The following GNAQ variants were observed in gnomAD, a reference collection of about 807,000 sequenced individuals.
GNAQ encodes the protein guanine nucleotide-binding protein G(q) subunit alpha.
In GNAQ, 8 loss-of-function variants were observed where a neutral mutation model predicts 43.9. The observed-to-expected ratio is 0.18, with a 90% CI of 0.11 to 0.33. The LOEUF (loss-of-function observed/expected upper bound fraction) is 0.33, where lower values mean the gene tolerates loss of function less well. GNAQ is among the 10% of genes least tolerant of loss of function. GNAQ has a pLI of 1.00. For missense variants in GNAQ, 158 were observed against 450.8 expected (o/e 0.35, Z 5.88); for synonymous variants, 155 against 170.7 (o/e 0.91, Z 0.71).
intron 1 of GNAQ, among the ~76,000 whole-genome samples, chr9:77,993,118 A>C (rs561570362): frequency 1.5e-4 from 23 of 152,348 alleles, no homozygotes; most frequent in South Asian, 1.2e-3. Context: ...GTTTTGGATT[A>C]GAAACTAATT....
intron 2 of GNAQ, among the ~76,000 whole-genome samples, chr9:77,877,000 A>G (rs1293662049): frequency 7.8e-6 from 1 of 128,418 alleles, no homozygotes; most frequent in East Asian, 2.0e-4. Context: ...TCAATTAAAT[A>G]TAATATAACA....
chr9:77,751,896 GT>G (rs937557481), intron 5 of GNAQ, among the ~76,000 whole-genome samples: 6 of 152,238 alleles, frequency 3.9e-5, no homozygotes, highest in Non-Finnish European at 8.8e-5. Flanking sequence ...CACAGGAACA[GT>G]GGCCCTGCCA....
intron 1 of GNAQ, among the ~76,000 whole-genome samples, chr9:77,946,585 C>T (rs550680590): frequency 1.3e-5 from 2 of 152,282 alleles, no homozygotes; most frequent in South Asian, 4.1e-4. Context: ...CCACCACTGA[C>T]TGCTGGAAAA....
intron 2 of GNAQ, among the ~76,000 whole-genome samples, chr9:77,871,871 T>C (rs1828043399): frequency 6.6e-6 from 1 of 152,104 alleles, no homozygotes; most frequent in Non-Finnish European, 1.5e-5. Flanking sequence ...TTTCATGGGG[T>C]GAGGGAGAGG....
At chr9:77,864,274 C>T (rs1827912785) in intron 2 of GNAQ, among the ~76,000 whole-genome samples, 1 of 151,944 alleles carries the variant, frequency 6.6e-6, no homozygotes. Context: ...GGATCTGCTC[C>T]CATGACCCAA....
chr9:77,926,714 T>C (rs1262192345), intron 1 of GNAQ, among the ~76,000 whole-genome samples: 2 of 152,198 alleles, frequency 1.3e-5, no homozygotes, highest in Non-Finnish European at 2.9e-5. Context: ...CCCTGCTCTT[T>C]CAATGGCCTA....
intron 2 of GNAQ, among the ~76,000 whole-genome samples, chr9:77,892,512 T>C (rs1828422512): frequency 6.6e-6 from 1 of 152,228 alleles, no homozygotes. Context: ...GTTCAGAATA[T>C]ATATATGATG....
intron 5 of GNAQ, among the ~76,000 whole-genome samples, chr9:77,771,258 A>G (rs770005394): frequency 6.6e-6 from 1 of 152,214 alleles, no homozygotes; most frequent in Non-Finnish European, 1.5e-5. Flanking sequence ...AGTGGGGCAT[A>G]TATTAAACTA....
intron 1 of GNAQ, among the ~76,000 whole-genome samples, chr9:77,970,042 A>G (rs946907584): frequency 6.6e-6 from 1 of 152,118 alleles, no homozygotes; most frequent in African/African-American, 2.4e-5. Context: ...AACATGGTGA[A>G]ACGCTGTCTC....
intron 5 of GNAQ, among the ~76,000 whole-genome samples, chr9:77,787,861 C>T (rs142006078): frequency 2.8e-4 from 43 of 152,094 alleles, no homozygotes; most frequent in African/African-American, 1.0e-3. Flanking sequence ...GAAACCCCAC[C>T]TCTACTAAAA....
At chr9:77,814,797 C>G (rs1826986073) in intron 3 of GNAQ, among the ~76,000 whole-genome samples, 1 of 152,140 alleles carries the variant, frequency 6.6e-6, no homozygotes, top group African/African-American at 2.4e-5. Context: ...AGATCCAAAA[C>G]AAGAGGCAGA....
chr9:77,982,661 C>A (rs996662315), intron 1 of GNAQ, among the ~76,000 whole-genome samples: 8 of 151,330 alleles, frequency 5.3e-5, no homozygotes, highest in Admixed American at 3.3e-4. Context: ...ATCAAATATT[C>A]ATTGCACAGT....
In GNAQ at chr9:77,937,893, A is replaced by AAAAT. The variant is rs756532470; in HGVS notation, c.137-15552_137-15549dup. Among the ~76,000 whole-genome samples, 76 of 152,320 alleles carry AAAAT rather than the reference A, an allele frequency of 5.0e-4. 1 individual carries two copies. Among genetic ancestry groups the AAAAT allele is most frequent in the Non-Finnish European group, 8.2e-4 (56 of 68,040 alleles). On this transcript the variant is annotated intron_variant, in intron 1 of 6. Coordinates refer to ENST00000286548, the MANE Select transcript of GNAQ (RefSeq NM_002072.5). ...GGCAACAAGAGTGAAACTCTGTCTC[A>AAAAT]AAATAAATAAATAAATAAAATTTAA...
chr9:77,852,650 T>C (rs766947230), intron 2 of GNAQ, among the ~76,000 whole-genome samples: 2 of 152,208 alleles, frequency 1.3e-5, no homozygotes, highest in Admixed American at 6.5e-5. Context: ...CCTGCTAACT[T>C]TGGGACTACG....
chr9:77,759,338 G>A (rs1167915508), intron 5 of GNAQ, among the ~76,000 whole-genome samples: 2 of 152,156 alleles, frequency 1.3e-5, no homozygotes, highest in Non-Finnish European at 2.9e-5. Flanking sequence ...ACAGCTGGAT[G>A]TTAAATGAAC....
At chr9:78,001,561 C>T (rs1823644374) in intron 1 of GNAQ, among the ~76,000 whole-genome samples, 1 of 151,420 alleles carries the variant, frequency 6.6e-6, no homozygotes, top group Non-Finnish European at 1.5e-5. Flanking sequence ...ATAAATGTTA[C>T]TTTGAATTTT....
intron 2 of GNAQ, among the ~76,000 whole-genome samples, chr9:77,869,863 C>A (rs572121613): frequency 6.6e-6 from 1 of 152,272 alleles, no homozygotes; most frequent in South Asian, 2.1e-4. Flanking sequence ...TCTAGCCATG[C>A]AGCTACACTG....
rs375516747 is a variant in GNAQ, at chr9:77,806,242, G to A, written c.477-8594C>T. ...ATATATGATAACTTTCCAAGCTATT[G>A]GTTAATTTTGACACAATTCTAAAAC... On this transcript the variant is annotated intron_variant, in intron 3 of 6. Coordinates refer to ENST00000286548, the MANE Select transcript of GNAQ (RefSeq NM_002072.5). Among the ~76,000 whole-genome samples, 67 of 152,272 alleles carry A rather than the reference G, an allele frequency of 4.4e-4. 1 individual carries two copies. The highest frequency in any genetic ancestry group is 1.5e-3 in the African/African-American group (64 of 41,548).
rs542023566 is a variant in GNAQ, at chr9:77,743,678, C to T, written c.736-15011G>A. Among the ~76,000 whole-genome samples, 52 of 151,278 alleles carry T rather than the reference C, an allele frequency of 3.4e-4. No homozygotes were observed. The East Asian group carries it at 8.6e-3, about 25-fold the overall frequency. On this transcript the variant is annotated intron_variant, in intron 5 of 6. Transcript: ENST00000286548. ...CTTTTTTTTTTAAACTGACTGATAGCTATGCCATACTTGTTAAATAGTACA... is the reference window on the plus strand; with the variant it reads ...CTTTTTTTTTTAAACTGACTGATAGTTATGCCATACTTGTTAAATAGTACA...
Sources: gnomAD v4.1 joint callset for allele counts (sites outside exome capture counted in the v4.1 genomes callset) on GRCh38, gnomAD v4.1.1 for gene constraint, MANE v1.5 for transcripts, NCBI Gene and HGNC (gene_info 2026-07-23, HGNC 2026-07-21) for gene names.